RCSD1: variants seen among roughly 807,000 people sequenced by gnomAD.
The protein encoded by RCSD1 is RCSD domain containing 1.
Under a neutral mutation model 42.5 loss-of-function variants are expected in RCSD1, and 26 were observed. The observed-to-expected ratio is 0.61, with a 90% CI of 0.45 to 0.85. The LOEUF (loss-of-function observed/expected upper bound fraction) is 0.85, where lower values mean the gene tolerates loss of function less well. Ranked by LOEUF, RCSD1 falls within the 40% of genes least tolerant of loss-of-function variation. RCSD1 has a pLI of 0.00. For missense variants in RCSD1, 571 were observed against 528.3 expected (o/e 1.08, Z -0.79); for synonymous variants, 220 against 212.2 (o/e 1.04, Z -0.32).
At chr1:167,630,752 A>AAAAAAAAAAAAAAAAAAAAAAAAAC in intron 1 of RCSD1, 1 of 246,514 alleles carries the variant, frequency 4.1e-6, no homozygotes, top group African/African-American at 2.4e-5. Flanking sequence ...AAAAAAAAAA[A>AAAAAAAAAAAAAAAAAAAAAAAAAC]AGTTAGGTGC....
intron 1 of RCSD1, among the ~76,000 whole-genome samples, chr1:167,649,854 GA>G (rs1429074712): frequency 5.9e-5 from 9 of 152,256 alleles, no homozygotes; most frequent in African/African-American, 2.2e-4. Context: ...ACATTTAAAG[GA>G]CAGACAGACC....
chr1:167,665,174 T>C (rs1160841415), intron 1 of RCSD1: 2 of 152,220 alleles, frequency 1.3e-5, no homozygotes, highest in East Asian at 1.9e-4. Flanking sequence ...TCTGTTATTA[T>C]AGTTTTGCCT....
Position 167,697,789 on chromosome 1 carries a change from C to A in RCSD1, c.1165C>A (p.Gln389Lys). The change falls in exon 6 of 7, where the codon CAG becomes AAG. Residue 389 changes from glutamine to lysine, a missense_variant. By Grantham distance (53) the Gln-to-Lys change is moderately conservative (BLOSUM62 1). Coordinates refer to ENST00000367854, the MANE Select transcript of RCSD1 (RefSeq NM_052862.4). ...PGCSPQTGPA[Q>K]LETSSEVQSE... ...CTGCAGCCCCCAGACCGGCCCTGCC[C>A]AGCTGGAGACCAGCAGTGAGGTCCA... The A allele has an allele frequency of 6.7e-7, 1 of 1,485,732 alleles. No homozygotes were observed. Among genetic ancestry groups the A allele is most frequent in the East Asian group, 2.4e-5 (1 of 42,140 alleles). 92.0% of individuals were successfully genotyped at this position (1,485,732 alleles called of 1,614,324 possible). A position where few individuals can be genotyped will look rare whatever the true frequency, so the allele number is the denominator to read the frequency against.
At chr1:167,702,241 A>T (rs1488620038) in intron 6 of RCSD1, among the ~76,000 whole-genome samples, 1 of 152,180 alleles carries the variant, frequency 6.6e-6, no homozygotes. Context: ...AAAACAGGGG[A>T]AAGTTCCATA....
intron 6 of RCSD1, among the ~76,000 whole-genome samples, chr1:167,701,804 C>T (rs1455624990): frequency 6.6e-6 from 1 of 152,184 alleles, no homozygotes; most frequent in Non-Finnish European, 1.5e-5. Flanking sequence ...TCCTCTTAAA[C>T]CAGGTCAAGG....
intron 1 of RCSD1, among the ~76,000 whole-genome samples, chr1:167,631,437 C>G (rs892932038): frequency 6.6e-6 from 1 of 152,236 alleles, no homozygotes; most frequent in Admixed American, 6.5e-5. Flanking sequence ...ACAGTTAACT[C>G]CGCTATCTCT....
At chr1:167,680,733 A>G (rs1226320661) in intron 1 of RCSD1, among the ~76,000 whole-genome samples, 1 of 152,176 alleles carries the variant, frequency 6.6e-6, no homozygotes, top group Non-Finnish European at 1.5e-5. Flanking sequence ...TTGGACTCCC[A>G]AAATGCTGGG....
chr1:167,679,381 C>A (rs542513975), intron 1 of RCSD1, among the ~76,000 whole-genome samples: 3 of 152,324 alleles, frequency 2.0e-5, no homozygotes, highest in East Asian at 1.9e-4. Context: ...AGTCCAGAAC[C>A]CTTTCCATCC....
At chr1:167,649,946 T>C (rs1658262346) in intron 1 of RCSD1, among the ~76,000 whole-genome samples, 1 of 152,144 alleles carries the variant, frequency 6.6e-6, no homozygotes, top group African/African-American at 2.4e-5. Context: ...ACTGTGTGTG[T>C]CCATGTGTGT....
chr1:167,651,611 A>G (rs1383193045), intron 1 of RCSD1, among the ~76,000 whole-genome samples: 1 of 151,928 alleles, frequency 6.6e-6, no homozygotes, highest in African/African-American at 2.4e-5. Context: ...CTGCCCTTCT[A>G]TCTTCTTGGC....
intron 1 of RCSD1, among the ~76,000 whole-genome samples, chr1:167,677,390 C>A (rs1352005548): frequency 6.6e-6 from 1 of 152,200 alleles, no homozygotes; most frequent in Non-Finnish European, 1.5e-5. Context: ...CCATGTGAAC[C>A]AAAATTATCT....
At chr1:167,698,386 G>C (rs575565687) in intron 6 of RCSD1, among the ~76,000 whole-genome samples, 27 of 152,208 alleles carry the variant, frequency 1.8e-4, no homozygotes, top group Admixed American at 5.9e-4. Flanking sequence ...CAAAAAGCTG[G>C]GGATGCTTCA....
Position 167,666,067 on chromosome 1 carries a change from C to A in RCSD1, c.7-17833C>A, listed in dbSNP as rs572416779. Among the ~76,000 whole-genome samples the A allele has an allele frequency of 7.8e-4, 119 of 152,350 alleles. 1 individual carries two copies. The highest frequency in any genetic ancestry group is 2.1e-3 in the African/African-American group (86 of 41,586). On this transcript the variant is annotated intron_variant, in intron 1 of 6. Transcript: ENST00000367854. Reference sequence around the variant, plus strand: ...CCTTAAGTGATAGGCCTGCCTCAGCCTCCCAAAGTGCTGGGATTACAGGCG... The same window carrying A: ...CCTTAAGTGATAGGCCTGCCTCAGCATCCCAAAGTGCTGGGATTACAGGCG...
chr1:167,657,578 C>A (rs1226889615), intron 1 of RCSD1, among the ~76,000 whole-genome samples: 1 of 152,070 alleles, frequency 6.6e-6, no homozygotes, highest in Admixed American at 6.6e-5. Context: ...ATGAAATATC[C>A]TTATGGGATT....
At position 167,690,086 on chromosome 1, in the gene RCSD1, A is replaced by G. The variant is rs1659340105; in HGVS notation, c.236A>G (p.Lys79Arg). The stretch of plus-strand genomic sequence containing the variant: ...AATGCGAGCCACCCTCCTAAATTCA[A>G]GGTCAAGAGCTCGCCTCTGATTGAG... ...PPNASHPPKF[K>R]VKSSPLIEKL... The change falls in exon 4 of 7, where the codon AAG (lysine) becomes AGG (arginine). Residue 79 changes from lysine to arginine, a missense_variant. Transcript: ENST00000367854. The G allele has an allele frequency of 3.7e-6, 6 of 1,614,114 alleles. No homozygotes were observed. The Middle Eastern group carries it at 6.6e-4, about 178-fold the overall frequency.
chr1:167,668,530 C>T (rs117089230), intron 1 of RCSD1, among the ~76,000 whole-genome samples: 2 of 152,062 alleles, frequency 1.3e-5, no homozygotes, highest in African/African-American at 4.8e-5. Context: ...CTCCTAAAAC[C>T]CTTTTCCTCT....
intron 1 of RCSD1, among the ~76,000 whole-genome samples, chr1:167,666,333 G>A (rs1170564981): frequency 6.6e-6 from 1 of 152,302 alleles, no homozygotes; most frequent in Non-Finnish European, 1.5e-5. Context: ...TGTCACAGAG[G>A]TGTCATGGGG....
At chr1:167,632,720 A>G (rs1203787732) in intron 1 of RCSD1, among the ~76,000 whole-genome samples, 4 of 70,948 alleles carry the variant, frequency 5.6e-5, no homozygotes, top group South Asian at 4.5e-4. Context: ...TAGTCCATCA[A>G]TTTGCTGGTT....
chr1:167,635,673 AATATTTAAGTCT>A (rs1657826674), intron 1 of RCSD1, among the ~76,000 whole-genome samples: 3 of 152,314 alleles, frequency 2.0e-5, no homozygotes, highest in African/African-American at 7.2e-5. Flanking sequence ...CTCCAGTAAT[AATATTTAAGTCT>A]GTGGAGCCAG....
Sources: gnomAD v4.1 joint callset for allele counts (sites outside exome capture counted in the v4.1 genomes callset) on GRCh38, gnomAD v4.1.1 for gene constraint, MANE v1.5 for transcripts, NCBI Gene and HGNC (gene_info 2026-07-23, HGNC 2026-07-21) for gene names.